PRDM6: variants seen among roughly 807,000 people sequenced by gnomAD.
PRDM6 encodes the protein putative histone-lysine N-methyltransferase PRDM6.
A neutral mutation model predicts 60.8 loss-of-function variants in PRDM6; 25 were observed. The ratio of observed to expected loss-of-function variants is 0.41; its 90% CI spans 0.30 to 0.57. PRDM6 has a LOEUF of 0.57. Among genes scored for constraint, PRDM6 ranks in the 20% least tolerant of loss-of-function variants. PRDM6 has a pLI of 0.27. For missense variants in PRDM6, 839 were observed against 821.3 expected (o/e 1.02, Z -0.26); for synonymous variants, 407 against 357.4 (o/e 1.14, Z -1.57).
chr5:123,126,952 G>T (rs916909755), intron 3 of PRDM6, among the ~76,000 whole-genome samples: 1 of 152,006 alleles, frequency 6.6e-6, no homozygotes, highest in Non-Finnish European at 1.5e-5. Flanking sequence ...GATTGTTGTT[G>T]CCCTGGTGCA....
intron 3 of PRDM6, among the ~76,000 whole-genome samples, chr5:123,137,443 G>A (rs1764986199): frequency 6.6e-6 from 1 of 152,226 alleles, no homozygotes; most frequent in African/African-American, 2.4e-5. Context: ...GCCGGCCTTG[G>A]AAGCCAGTGC....
intron 2 of PRDM6, among the ~76,000 whole-genome samples, chr5:123,098,956 A>T (rs1186667451): frequency 2.6e-5 from 4 of 151,394 alleles, no homozygotes; most frequent in Non-Finnish European, 5.9e-5. Flanking sequence ...ACCGGGCTGC[A>T]GGCTTGCTCT....
chr5:123,165,312 A>G (rs967904581), intron 5 of PRDM6, among the ~76,000 whole-genome samples: 3 of 152,028 alleles, frequency 2.0e-5, no homozygotes, highest in South Asian at 4.1e-4. Flanking sequence ...CTCACTCCCA[A>G]TCATCCAATT....
At chr5:123,167,921 G>C (rs1039618234) in intron 5 of PRDM6, among the ~76,000 whole-genome samples, 4 of 152,068 alleles carry the variant, frequency 2.6e-5, no homozygotes, top group African/African-American at 9.7e-5. Flanking sequence ...AAAGCTTAAT[G>C]TTGCCTAAAA....
rs1374584852 is a variant in PRDM6 at position 123,170,737 on chromosome 5, G to A, written c.1154-29G>A. The A allele has an allele frequency of 3.5e-6, 5 of 1,437,496 alleles. No individual in the cohort carries two copies. In the Admixed American group the frequency reaches 1.1e-4, roughly 33 times the overall value. 89.0% of individuals were successfully genotyped at this position (1,437,496 alleles called of 1,614,324 possible). A position where few individuals can be genotyped will look rare whatever the true frequency, so the allele number is the denominator to read the frequency against. The stretch of plus-strand genomic sequence containing the variant: ...GCTTATTTTAAAGGCTAATAAAACT[G>A]TTCTTCTAAACTGTTGCTATTCTCC... On this transcript the variant is annotated intron_variant, in intron 5 of 7. Coordinates refer to ENST00000407847, the MANE Select transcript of PRDM6 (RefSeq NM_001136239.4).
intron 2 of PRDM6, among the ~76,000 whole-genome samples, chr5:123,098,224 G>T (rs557633166): frequency 1.3e-5 from 2 of 152,360 alleles, no homozygotes; most frequent in East Asian, 3.9e-4. Flanking sequence ...GTGCCCCGAG[G>T]GCCACCCGCC....
At chr5:123,179,660 A>G (rs1262118210) in intron 6 of PRDM6, among the ~76,000 whole-genome samples, 1 of 151,788 alleles carries the variant, frequency 6.6e-6, no homozygotes, top group Non-Finnish European at 1.5e-5. Context: ...GTTTATCCTC[A>G]GTTTTCTGAA....
At chr5:123,180,747 T>A (rs1766136688) in intron 7 of PRDM6, among the ~76,000 whole-genome samples, 1 of 152,152 alleles carries the variant, frequency 6.6e-6, no homozygotes, top group South Asian at 2.1e-4. Context: ...ATAATCCCCT[T>A]TTGGAGAACT....
At chr5:123,107,536 T>C (rs528260502) in intron 3 of PRDM6, among the ~76,000 whole-genome samples, 1 of 152,244 alleles carries the variant, frequency 6.6e-6, no homozygotes, top group African/African-American at 2.4e-5. Flanking sequence ...CTCTTTCCAA[T>C]GAAAGCTAGC....
At chr5:123,182,935 T>G (rs1766196757) in intron 7 of PRDM6, among the ~76,000 whole-genome samples, 1 of 152,224 alleles carries the variant, frequency 6.6e-6, no homozygotes, top group African/African-American at 2.4e-5. Context: ...TCCTTTAGTG[T>G]ATACAACCAG....
At chr5:123,162,538 CA>C (rs1182963331) in intron 5 of PRDM6, among the ~76,000 whole-genome samples, 4 of 152,148 alleles carry the variant, frequency 2.6e-5, no homozygotes, top group Non-Finnish European at 5.9e-5. Flanking sequence ...AGAAAATTTG[CA>C]AAGCTACAAC....
intron 5 of PRDM6, among the ~76,000 whole-genome samples, chr5:123,164,563 G>C (rs1580531061): frequency 6.6e-6 from 1 of 152,156 alleles, no homozygotes; most frequent in Non-Finnish European, 1.5e-5. Context: ...GAAACCTGTA[G>C]GTTCCTAGAA....
chr5:123,155,241 T>C (rs1312030799), intron 3 of PRDM6, among the ~76,000 whole-genome samples: 1 of 151,358 alleles, frequency 6.6e-6, no homozygotes, highest in African/African-American at 2.4e-5. Flanking sequence ...ATTTTTTTTC[T>C]TTCCTTTTTT....
At chr5:123,174,483 A>G (rs1765961251) in intron 6 of PRDM6, among the ~76,000 whole-genome samples, 1 of 152,232 alleles carries the variant, frequency 6.6e-6, no homozygotes, top group Non-Finnish European at 1.5e-5. Context: ...GTCAGAAGGT[A>G]AAACAGGTTA....
chr5:123,185,200 C>A (rs1354786694), intron 7 of PRDM6, among the ~76,000 whole-genome samples: 1 of 152,168 alleles, frequency 6.6e-6, no homozygotes, highest in African/African-American at 2.4e-5. Context: ...GTGTATTCCT[C>A]ATATTCTAAT....
intron 5 of PRDM6, among the ~76,000 whole-genome samples, chr5:123,169,985 GTCTC>G (rs1281387206): frequency 3.3e-5 from 5 of 152,192 alleles, no homozygotes; most frequent in East Asian, 1.9e-4. Context: ...TATAAATCAG[GTCTC>G]TCTCAAGCCC....
rs992779462 is a variant in PRDM6 at position 123,164,051 on chromosome 5, A to G, written c.1153+4413A>G. 2.6e-5 allele frequency among the ~76,000 whole-genome samples: 4 copies of G among 152,160 alleles called. No individual in the cohort carries two copies. The East Asian group carries it at 5.8e-4, about 22-fold the overall frequency. ...AGCCCTTAGTGGTGACCTTTAGAAGATAATGTATAGTTCAGTCCACAAGAC... is the reference window on the plus strand; with the variant it reads ...AGCCCTTAGTGGTGACCTTTAGAAGGTAATGTATAGTTCAGTCCACAAGAC... On this transcript the variant is annotated intron_variant, in intron 5 of 7. Coordinates refer to ENST00000407847, the MANE Select transcript of PRDM6 (RefSeq NM_001136239.4).
At chr5:123,180,470 G>C in intron 7 of PRDM6, 147 bp downstream of exon 7, 1 of 853,696 alleles carries the variant, frequency 1.2e-6, no homozygotes, top group Non-Finnish European at 1.7e-6. Context: ...ATCTCTCCTT[G>C]TTTAGTGGCT....
intron 2 of PRDM6, among the ~76,000 whole-genome samples, chr5:123,098,171 A>G (rs1350662122): frequency 1.3e-5 from 2 of 152,232 alleles, no homozygotes; most frequent in Non-Finnish European, 2.9e-5. Flanking sequence ...GGGTGATCCA[A>G]CAGGCCTGGC....
Sources: gnomAD v4.1 joint callset for allele counts (sites outside exome capture counted in the v4.1 genomes callset) on GRCh38, gnomAD v4.1.1 for gene constraint, MANE v1.5 for transcripts, NCBI Gene and HGNC (gene_info 2026-07-23, HGNC 2026-07-21) for gene names.